The following SLC9A9 variants were observed in gnomAD, a reference collection of about 807,000 sequenced individuals.
SLC9A9 encodes solute carrier family 9 member A9, also known as sodium/hydrogen exchanger 9.
SLC9A9 carries 62 observed loss-of-function variants against 77.8 expected under a neutral mutation model. The observed-to-expected ratio is 0.80, with a 90% confidence interval of 0.65 to 0.98. The LOEUF (loss-of-function observed/expected upper bound fraction) is 0.98. SLC9A9 is among the 50% of genes least tolerant of loss of function. The probability of loss-of-function intolerance (pLI) is 0.00; values close to 1 mark genes in which losing one functional copy is unlikely to be tolerated. For missense variants in SLC9A9, 775 were observed against 774.9 expected (o/e 1.00, Z 0.00); for synonymous variants, 320 against 283.5 (o/e 1.13, Z -1.29).
At chr3:143,436,476 G>T (rs1432630454) in intron 12 of SLC9A9, among the ~76,000 whole-genome samples, 1 of 152,200 alleles carries the variant, frequency 6.6e-6, no homozygotes, top group African/African-American at 2.4e-5. Context: ...CAGTCCATCA[G>T]AAACTGATAG....
chr3:143,499,297 C>G (rs1264549720), intron 9 of SLC9A9, among the ~76,000 whole-genome samples: 1 of 152,118 alleles, frequency 6.6e-6, no homozygotes, highest in Non-Finnish European at 1.5e-5. Context: ...CCATGAATAT[C>G]ATATATCCTT....
At chr3:143,368,322 C>A (rs1050240837) in intron 13 of SLC9A9, among the ~76,000 whole-genome samples, 2 of 152,110 alleles carry the variant, frequency 1.3e-5, no homozygotes, top group Non-Finnish European at 2.9e-5. Flanking sequence ...ACAAAAGGTT[C>A]TGGCAAGAAA....
intron 14 of SLC9A9, among the ~76,000 whole-genome samples, chr3:143,278,538 A>G (rs746810712): frequency 2.0e-5 from 3 of 152,178 alleles, no homozygotes; most frequent in Non-Finnish European, 4.4e-5. Flanking sequence ...ATATTTCTGA[A>G]GGCTCTGAGG....
chr3:143,279,987 TTTTTAA>T (rs1440464612), intron 14 of SLC9A9, among the ~76,000 whole-genome samples: 24 of 152,158 alleles, frequency 1.6e-4, no homozygotes, highest in African/African-American at 5.8e-4. Flanking sequence ...ACCCAGTGAA[TTTTTAA>T]TTTTTTTTGT....
At chr3:143,723,731 C>A (rs1170176101) in intron 4 of SLC9A9, among the ~76,000 whole-genome samples, 2 of 152,142 alleles carry the variant, frequency 1.3e-5, no homozygotes, top group Non-Finnish European at 2.9e-5. Flanking sequence ...GACCAGTTTT[C>A]CAGATCAGCC....
chr3:143,318,553 C>T (rs1315186420), intron 14 of SLC9A9, among the ~76,000 whole-genome samples: 1 of 152,154 alleles, frequency 6.6e-6, no homozygotes, highest in Admixed American at 6.5e-5. Context: ...AATGTAATAG[C>T]TAACCATCGG....
At chr3:143,575,076 C>T (rs988497175) in intron 7 of SLC9A9, among the ~76,000 whole-genome samples, 7 of 152,174 alleles carry the variant, frequency 4.6e-5, no homozygotes, top group Non-Finnish European at 4.4e-5. Context: ...TGGAAAAGAA[C>T]ATTTTATTCT....
chr3:143,585,367 A>G (rs1489182941), intron 6 of SLC9A9, among the ~76,000 whole-genome samples: 1 of 152,168 alleles, frequency 6.6e-6, no homozygotes, highest in African/African-American at 2.4e-5. Context: ...ACTAAATTGT[A>G]TATTCAGTGG....
chr3:143,610,959 G>GA (rs1440942593), intron 6 of SLC9A9, among the ~76,000 whole-genome samples: 3 of 151,296 alleles, frequency 2.0e-5, no homozygotes, highest in Non-Finnish European at 4.4e-5. Context: ...CAGAAGTGAG[G>GA]AAAAACAGAA....
chr3:143,766,030 C>T (rs142709729), intron 4 of SLC9A9, among the ~76,000 whole-genome samples: 75 of 152,284 alleles, frequency 4.9e-4, no homozygotes, highest in African/African-American at 1.7e-3. Flanking sequence ...ATGAATGAGA[C>T]CAACTGATAC....
At chr3:143,738,157 C>T (rs918046228) in intron 4 of SLC9A9, among the ~76,000 whole-genome samples, 10 of 152,160 alleles carry the variant, frequency 6.6e-5, no homozygotes, top group African/African-American at 2.4e-4. Context: ...ACTTGGGAGA[C>T]AGGAAGAAGT....
At chr3:143,613,461 A>G (rs1264998618) in intron 6 of SLC9A9, among the ~76,000 whole-genome samples, 1 of 152,222 alleles carries the variant, frequency 6.6e-6, no homozygotes, top group African/African-American at 2.4e-5. Flanking sequence ...TTATGACCAC[A>G]AAATCTTCCA....
rs758014643 is a variant in SLC9A9, at chr3:143,574,148, CG to C, written c.939del (p.Gly314AlafsTer19). 1.2e-6 allele frequency: 2 copies of C among 1,613,422 alleles called. No homozygotes were observed. The highest frequency in any genetic ancestry group is 1.7e-6 in the Non-Finnish European group (2 of 1,179,594). Reference protein sequence around the residue: ...TKLCEFPMLETGLFFLLSWSA... With the variant: ...TKLCEFPMLEXGLFFLLSWSA... ...CTCCAAGAAAGCAGGAAAAACAGGC[CG>C]GTTTCCAGCATCGGGAACTCACACA... On this transcript the variant is annotated frameshift_variant, in exon 8 of 16. Coordinates refer to ENST00000316549, the MANE Select transcript of SLC9A9 (RefSeq NM_173653.4). LOFTEE classifies it high-confidence loss of function.
chr3:143,665,515 A>C (rs1379100443), intron 5 of SLC9A9, among the ~76,000 whole-genome samples: 1 of 152,150 alleles, frequency 6.6e-6, no homozygotes, highest in Non-Finnish European at 1.5e-5. Flanking sequence ...GACACAAAAA[A>C]CCCTTCAAAA....
chr3:143,624,918 T>C (rs1013031590), intron 6 of SLC9A9, among the ~76,000 whole-genome samples: 2 of 152,196 alleles, frequency 1.3e-5, no homozygotes, highest in African/African-American at 4.8e-5. Flanking sequence ...CAGCAAAGTC[T>C]CAGGATACAA....
intron 2 of SLC9A9, among the ~76,000 whole-genome samples, chr3:143,829,793 T>C (rs1487795149): frequency 6.6e-6 from 1 of 152,138 alleles, no homozygotes; most frequent in Non-Finnish European, 1.5e-5. Context: ...ATAGTACTAG[T>C]AGTAGTAGTG....
chr3:143,516,562 C>A (rs537215527), intron 9 of SLC9A9, among the ~76,000 whole-genome samples: 110 of 152,156 alleles, frequency 7.2e-4, no homozygotes, highest in African/African-American at 2.4e-3. Flanking sequence ...CAGCTTTTAT[C>A]GTATTTATTT....
chr3:143,821,563 T>G (rs2009167476), intron 2 of SLC9A9, among the ~76,000 whole-genome samples: 1 of 152,202 alleles, frequency 6.6e-6, no homozygotes, highest in South Asian at 2.1e-4. Context: ...AAAAATGAAG[T>G]GTTTAGATAT....
intron 11 of SLC9A9, among the ~76,000 whole-genome samples, chr3:143,485,724 T>C (rs77759744): frequency 6.6e-6 from 1 of 152,126 alleles, no homozygotes; most frequent in African/African-American, 2.4e-5. Context: ...AGAAACAGGA[T>C]AGTATGGCCA....
Sources: gnomAD v4.1 joint callset for allele counts (sites outside exome capture counted in the v4.1 genomes callset) on GRCh38, gnomAD v4.1.1 for gene constraint, MANE v1.5 for transcripts, NCBI Gene and HGNC (gene_info 2026-07-23, HGNC 2026-07-21) for gene names.